PHC2: variants seen among roughly 807,000 people sequenced by gnomAD.
The protein encoded by PHC2 is polyhomeotic homolog 2.
A neutral mutation model predicts 87.4 loss-of-function variants in PHC2; 29 were observed. The observed-to-expected ratio is 0.33, with a 90% CI of 0.25 to 0.45. The LOEUF (loss-of-function observed/expected upper bound fraction) is 0.45, where lower values mean the gene tolerates loss of function less well. Ranked by LOEUF, PHC2 falls within the 20% of genes least tolerant of loss-of-function variation. The pLI is 1.00. For synonymous variants in PHC2, 438 were observed against 461.7 expected (o/e 0.95, Z 0.66); for missense variants, 857 against 1,136.7 (o/e 0.75, Z 3.54).
intron 12 of PHC2, 45 bp from the exon 13 acceptor site, chr1:33,330,257 T>C: frequency 6.2e-7 from 1 of 1,604,676 alleles, no homozygotes; most frequent in Middle Eastern, 1.7e-4. Context: ...GTCATTGTGC[T>C]TATGGGCCGT....
At chr1:33,423,453 G>A (rs188369547) in intron 1 of PHC2, among the ~76,000 whole-genome samples, 12 of 152,226 alleles carry the variant, frequency 7.9e-5, no homozygotes, top group South Asian at 4.1e-4. Flanking sequence ...TCAAGGAGAC[G>A]GATGTGTCCT....
intron 1 of PHC2, among the ~76,000 whole-genome samples, chr1:33,412,563 T>TAA (rs1403911540): frequency 6.6e-6 from 1 of 152,172 alleles, no homozygotes; most frequent in African/African-American, 2.4e-5. Flanking sequence ...ATTGCCCTAA[T>TAA]AAAACCAAAG....
chr1:33,430,373 C>A (rs1031412382), intron 1 of PHC2, among the ~76,000 whole-genome samples: 9 of 152,332 alleles, frequency 5.9e-5, no homozygotes, highest in Admixed American at 3.3e-4. Flanking sequence ...GTTCCAGCAA[C>A]CCCCGGTTCC....
chr1:33,430,631 C>CGTTCCG (rs1257737893), intron 1 of PHC2, among the ~76,000 whole-genome samples: 2 of 152,026 alleles, frequency 1.3e-5, no homozygotes, highest in African/African-American at 4.8e-5. Context: ...GGCCCGTTCC[C>CGTTCCG]GTTCCGGTTC....
intron 14 of PHC2, among the ~76,000 whole-genome samples, chr1:33,328,023 A>C (rs1023369899): frequency 6.6e-6 from 1 of 152,248 alleles, no homozygotes; most frequent in Admixed American, 6.5e-5. Context: ...GTTCTGTGTG[A>C]CTCAGAAGTC....
At chr1:33,415,687 G>A (rs868246434) in intron 1 of PHC2, among the ~76,000 whole-genome samples, 16 of 152,134 alleles carry the variant, frequency 1.1e-4, no homozygotes, top group South Asian at 6.2e-4. Context: ...AAGTAAAAAC[G>A]TATTCAGAAA....
rs916073242 is a variant in PHC2 at position 33,349,257 on chromosome 1, G to A, written c.1558+5144C>T. 2.0e-6 allele frequency: 2 copies of A among 985,270 alleles called. No individual in the cohort carries two copies. Among genetic ancestry groups the A allele is most frequent in the Non-Finnish European group, 2.4e-6 (2 of 829,934 alleles). The allele number at this position is 985,270 out of a possible 1,614,324, so 61.0% of individuals were successfully genotyped here. A position where few individuals can be genotyped will look rare whatever the true frequency, so the allele number is the denominator to read the frequency against. On this transcript the variant is annotated intron_variant, in intron 9 of 14. Coordinates refer to ENST00000683057, the MANE Select transcript of PHC2 (RefSeq NM_001385109.1). This position sits in a 1 kb window ranked among gnomAD's most constrained non-coding sequence, Gnocchi z 4.2. Reference sequence around the variant, plus strand: ...GGCAGATGCCAGCAGTCTCGTCCCCGAACGCACCGTCCGTCCCAGGGAAGT... The same window carrying A: ...GGCAGATGCCAGCAGTCTCGTCCCCAAACGCACCGTCCGTCCCAGGGAAGT...
chr1:33,378,704 A>C (rs1185941185), intron 1 of PHC2, among the ~76,000 whole-genome samples: 1 of 152,170 alleles, frequency 6.6e-6, no homozygotes, highest in Non-Finnish European at 1.5e-5. Context: ...GAGAGCAATC[A>C]AGAGAGTAAG....
At chr1:33,351,131 T>G (rs1263507943) in intron 9 of PHC2, among the ~76,000 whole-genome samples, 5 of 152,218 alleles carry the variant, frequency 3.3e-5, no homozygotes, top group Non-Finnish European at 5.9e-5. Context: ...ACACGGTCTG[T>G]GGCAACAACT....
chr1:33,410,185 T>G (rs1297667782), intron 1 of PHC2, among the ~76,000 whole-genome samples: 1 of 152,216 alleles, frequency 6.6e-6, no homozygotes, highest in East Asian at 1.9e-4. Context: ...TTAATCCCTG[T>G]GGGATTACTG....
intron 1 of PHC2, among the ~76,000 whole-genome samples, chr1:33,376,232 G>A (rs192692928): frequency 6.6e-6 from 1 of 152,190 alleles, no homozygotes; most frequent in East Asian, 1.9e-4. Context: ...ACAGGGTTTC[G>A]CCATGTTGGC....
chr1:33,335,984 G>GTTC (rs1646623292), intron 9 of PHC2, among the ~76,000 whole-genome samples: 2 of 113,040 alleles, frequency 1.8e-5, no homozygotes, highest in African/African-American at 4.4e-5. Context: ...TTTTGTTGTT[G>GTTC]TTGTTGTTGT....
chr1:33,359,719 G>A (rs1468434043), intron 7 of PHC2, among the ~76,000 whole-genome samples: 1 of 152,220 alleles, frequency 6.6e-6, no homozygotes. Context: ...ATTCAGCTTT[G>A]GAAGGAGAGC....
chr1:33,420,214 G>A (rs1003874063), intron 1 of PHC2, among the ~76,000 whole-genome samples: 2 of 152,128 alleles, frequency 1.3e-5, no homozygotes, highest in Non-Finnish European at 2.9e-5. Flanking sequence ...CAATCCATTC[G>A]CCTAGAGATA....
At chr1:33,335,771 G>A (rs952578404) in intron 9 of PHC2, among the ~76,000 whole-genome samples, 15 of 151,972 alleles carry the variant, frequency 9.9e-5, no homozygotes, top group Admixed American at 3.9e-4. Context: ...ATGGTGGTGC[G>A]TGCCTGTAAT....
In PHC2 at chr1:33,334,354, G is replaced by A. The variant is rs1646576730; in HGVS notation, c.1559-62C>T. ...ATCAGAACCAGAGTCCACGCCCAGGGAGGGACAGCAAGGACTCAAACTGCG... is the reference window on the plus strand; with the variant it reads ...ATCAGAACCAGAGTCCACGCCCAGGAAGGGACAGCAAGGACTCAAACTGCG... On this transcript the variant is annotated intron_variant, in intron 9 of 14. Coordinates refer to ENST00000683057, the MANE Select transcript of PHC2 (RefSeq NM_001385109.1). This position sits in a 1 kb window ranked among gnomAD's most constrained non-coding sequence, Gnocchi z 5.5. The A allele has an allele frequency of 6.7e-7, 1 of 1,495,248 alleles. No homozygotes were observed. Among genetic ancestry groups the A allele is most frequent in the Non-Finnish European group, 9.2e-7 (1 of 1,083,188 alleles). The allele number at this position is 1,495,248 out of a possible 1,614,324, so 92.6% of individuals were successfully genotyped here.
intron 9 of PHC2, among the ~76,000 whole-genome samples, chr1:33,352,961 A>T (rs1297440986): frequency 6.6e-6 from 1 of 152,242 alleles, no homozygotes; most frequent in East Asian, 1.9e-4. Context: ...AGTACTCAGC[A>T]TATACTAAGT....
In PHC2 at chr1:33,331,494, ATG is replaced by A. The variant is rs2148197384; in HGVS notation, c.1892-34_1892-33del. 1 of 1,319,200 alleles carries A rather than the reference ATG, an allele frequency of 7.6e-7. No homozygotes were observed. 81.7% of individuals were successfully genotyped at this position (1,319,200 alleles called of 1,614,324 possible). On this transcript the variant is annotated intron_variant, in intron 11 of 14. Coordinates refer to ENST00000683057, the MANE Select transcript of PHC2 (RefSeq NM_001385109.1). The surrounding 1 kb of genome is among the most constrained non-coding windows in gnomAD (Gnocchi z 5.2). ...AGTATAGAAATGGGTAGGGTGGAGA[ATG>A]AGAAATTCCTGCAGGACTGTGGCCA...
At chr1:33,346,656 A>G in intron 9 of PHC2, 1 of 985,424 alleles carries the variant, frequency 1.0e-6, no homozygotes, top group Non-Finnish European at 1.2e-6. Context: ...TAGGTTTTTT[A>G]AACTTTAACT....
Sources: allele counts gnomAD v4.1 joint callset (sites outside exome capture counted in the v4.1 genomes callset), GRCh38; gene constraint gnomAD v4.1.1; non-coding constraint Gnocchi (gnomAD v3.1); transcripts MANE v1.5; gene names NCBI Gene and HGNC (gene_info 2026-07-23, HGNC 2026-07-21).